Variants in CCDC88C observed in about 807,000 individuals in gnomAD.
CCDC88C encodes protein Daple.
Under a neutral mutation model 198.8 loss-of-function variants are expected in CCDC88C, and 131 were observed. The observed-to-expected ratio is 0.66, with a 90% CI of 0.57 to 0.76. The LOEUF (loss-of-function observed/expected upper bound fraction) is 0.76, where lower values mean the gene tolerates loss of function less well. CCDC88C is among the 30% of genes least tolerant of loss of function. The pLI is 0.00. For synonymous variants in CCDC88C, 1,166 were observed against 1,114.7 expected, an observed-to-expected ratio of 1.05 and a Z score of -0.92; for missense variants, 2,553 against 2,631.6, an observed-to-expected ratio of 0.97 and a Z score of 0.65.
In CCDC88C at chr14:91,299,943, G is replaced by C. The variant is rs1226329586; in HGVS notation, c.3763C>G (p.Arg1255Gly). 5 of 1,588,422 alleles carry C rather than the reference G, an allele frequency of 3.1e-6. No individual in the cohort carries two copies. In the East Asian group the frequency reaches 1.1e-4, roughly 36 times the overall value. ...GGCGCTCACCTGTCCAGCTCGCCCC[G>C]CAGCCTCTGGTTCTCGCCCATGGCG... ...ALAMGENQRL[R>G]GELDRVNFLH... Residue 1255 changes from arginine to glycine, a missense_variant, in exon 21 of 30, where the codon CGG (arginine) becomes GGG (glycine). By Grantham distance (125) the Arg-to-Gly change is moderately radical. Around this residue, in one of 2 missense-constraint regions of CCDC88C, gnomAD observed 1,293 missense variants for 1,219.6 expected, o/e 1.06. Transcript: ENST00000389857.
Position 91,325,881 on chromosome 14 carries a change from C to G in CCDC88C, c.1197+29G>C. ...ACTGTGCCCGAGCCCAATCTGTTTTCAATGTAGTAACAACACAGCCTGCAG... is the reference window on the plus strand; with the variant it reads ...ACTGTGCCCGAGCCCAATCTGTTTTGAATGTAGTAACAACACAGCCTGCAG... On this transcript the variant is annotated intron_variant, in intron 11 of 29. Transcript: ENST00000389857. This position sits in a 1 kb window ranked among gnomAD's most constrained non-coding sequence, Gnocchi z 4.1. 1 of 1,539,604 alleles carries G rather than the reference C, an allele frequency of 6.5e-7. No homozygotes were observed. The highest frequency in any genetic ancestry group is 8.8e-7 in the Non-Finnish European group (1 of 1,138,832).
At position 91,277,865 on chromosome 14, in the gene CCDC88C, C is replaced by T. The variant is rs955031431; in HGVS notation, c.5058+57G>A. On this transcript the variant is annotated intron_variant, in intron 29 of 29. Transcript: ENST00000389857. ...TCCTTTCTGCAGCTATGATCTTGAG[C>T]CAGGAAGAGACAGAGAGGGAAGAGA... The T allele has an allele frequency of 2.1e-6, 3 of 1,444,364 alleles. No homozygotes were observed. The African/African-American group carries it at 4.3e-5, about 21-fold the overall frequency. The allele number at this position is 1,444,364 out of a possible 1,614,324, so 89.5% of individuals were successfully genotyped here.
rs545368667 is a variant in CCDC88C at position 91,405,253 on chromosome 14, G to A, written c.270+3406C>T. On this transcript the variant is annotated intron_variant, in intron 3 of 29. Transcript: ENST00000389857. ...CAGACTGTCACTGCTCCAGTGTGCC[G>A]CAGAGAAGAAGGGGACAGTTAGGGG... is the stretch of plus-strand genomic sequence containing the variant. Among the ~76,000 whole-genome samples, 38 of 152,286 alleles carry A rather than the reference G, an allele frequency of 2.5e-4. No homozygotes were observed. In the South Asian group the frequency reaches 6.2e-3, roughly 25 times the overall value.
rs773341511 is a variant in CCDC88C, at chr14:91,338,146, T to C, written c.909A>G (p.Ala303=). Residue 303 remains alanine, a synonymous_variant, in exon 10 of 30, where the codon GCA becomes GCG. Transcript: ENST00000389857. This position sits in a 1 kb window ranked among gnomAD's most constrained non-coding sequence, Gnocchi z 4.8. ...GATAGGCACGAGCAGACCGGGCGTC[T>C]GCCGCTAGCTGGATGTTCTGCAAGG... ...KVKQENIQLA[A]DARSARAYRD... The C allele has an allele frequency of 6.2e-6, 10 of 1,613,640 alleles. No individual in the cohort carries two copies. The South Asian group carries it at 1.1e-4, about 18-fold the overall frequency.
At chr14:91,311,165 T>C (rs1404627889) in intron 15 of CCDC88C, among the ~76,000 whole-genome samples, 1 of 152,202 alleles carries the variant, frequency 6.6e-6, no homozygotes, top group Non-Finnish European at 1.5e-5. Context: ...AAGGGTCCCC[T>C]GGACTCTGGT....
chr14:91,390,711 G>A (rs1477588414), intron 3 of CCDC88C, among the ~76,000 whole-genome samples: 1 of 152,126 alleles, frequency 6.6e-6, no homozygotes, highest in Non-Finnish European at 1.5e-5. Flanking sequence ...TCCTATTACA[G>A]GATTCCCAGA....
chr14:91,337,486 C>T (rs1254660448), intron 10 of CCDC88C, among the ~76,000 whole-genome samples: 1 of 152,216 alleles, frequency 6.6e-6, no homozygotes, highest in Non-Finnish European at 1.5e-5. Flanking sequence ...ACTGCAGGCA[C>T]GTGGCACTAT....
intron 3 of CCDC88C, among the ~76,000 whole-genome samples, chr14:91,403,132 C>T (rs549765107): frequency 6.6e-6 from 1 of 152,192 alleles, no homozygotes; most frequent in African/African-American, 2.4e-5. Flanking sequence ...CCCAGAGAGA[C>T]GGCGGGACCC....
chr14:91,415,523 G>C (rs1886998140), intron 2 of CCDC88C, among the ~76,000 whole-genome samples: 1 of 152,136 alleles, frequency 6.6e-6, no homozygotes, highest in Non-Finnish European at 1.5e-5. Context: ...TCGGGAGTTC[G>C]AGACCAGCCT....
chr14:91,360,881 G>C (rs1372800168), intron 3 of CCDC88C, among the ~76,000 whole-genome samples: 1 of 152,146 alleles, frequency 6.6e-6, no homozygotes, highest in Non-Finnish European at 1.5e-5. Context: ...GTGGGGCACG[G>C]TGGACACGCT....
chr14:91,352,159 C>T lies in CCDC88C; in HGVS notation c.340+7483G>A, dbSNP rs770508453. Among the ~76,000 whole-genome samples, 12 of 152,256 alleles carry T rather than the reference C, an allele frequency of 7.9e-5. No homozygotes were observed. The highest frequency in any genetic ancestry group is 1.3e-4 in the Non-Finnish European group (9 of 68,042). ...TAGCATCTCTTCCCTCCTCCGCAGACGGCGGTGGCCACAGAGAGTAGGGCT... is the reference window on the plus strand; with the variant it reads ...TAGCATCTCTTCCCTCCTCCGCAGATGGCGGTGGCCACAGAGAGTAGGGCT... On this transcript the variant is annotated intron_variant, in intron 4 of 29. Transcript: ENST00000389857. This position sits in a 1 kb window ranked among gnomAD's most constrained non-coding sequence, Gnocchi z 4.2.
intron 3 of CCDC88C, among the ~76,000 whole-genome samples, chr14:91,387,463 C>CA (rs1478648820): frequency 4.6e-5 from 7 of 152,312 alleles, no homozygotes; most frequent in Admixed American, 3.3e-4. Flanking sequence ...ACGATATAGA[C>CA]AAAACTGCTC....
At chr14:91,353,276 C>T (rs1256393741) in intron 4 of CCDC88C, among the ~76,000 whole-genome samples, 3 of 152,184 alleles carry the variant, frequency 2.0e-5, no homozygotes, top group Non-Finnish European at 2.9e-5. Flanking sequence ...CTTTCTCTGT[C>T]CGTGGCTTGC....
At chr14:91,315,001 A>C (rs1892029226) in intron 14 of CCDC88C, among the ~76,000 whole-genome samples, 1 of 152,202 alleles carries the variant, frequency 6.6e-6, no homozygotes, top group South Asian at 2.1e-4. Flanking sequence ...AAACAAAAAC[A>C]AAAAACTAAA....
chr14:91,412,353 A>G (rs1425863407), intron 2 of CCDC88C, among the ~76,000 whole-genome samples: 1 of 152,194 alleles, frequency 6.6e-6, no homozygotes, highest in Non-Finnish European at 1.5e-5. Flanking sequence ...TGCTACCTCC[A>G]CATGGTAAAA....
At chr14:91,334,226 G>A (rs537458451) in intron 10 of CCDC88C, among the ~76,000 whole-genome samples, 27 of 152,224 alleles carry the variant, frequency 1.8e-4, no homozygotes, top group Admixed American at 1.4e-3. Context: ...TACCACCTGC[G>A]GGTCAACCTC....
chr14:91,329,332 T>G (rs983119448), intron 10 of CCDC88C, among the ~76,000 whole-genome samples: 1 of 152,226 alleles, frequency 6.6e-6, no homozygotes, highest in African/African-American at 2.4e-5. Context: ...AACAGAAGAC[T>G]TCCCTGTGTT....
At chr14:91,310,318 A>C (rs1891763135) in intron 15 of CCDC88C, among the ~76,000 whole-genome samples, 1 of 152,154 alleles carries the variant, frequency 6.6e-6, no homozygotes, top group Non-Finnish European at 1.5e-5. Flanking sequence ...CTGACTTTTC[A>C]ACAAAGCAAC....
In CCDC88C at chr14:91,315,749, C is replaced by A. The variant is rs762604231; in HGVS notation, c.1566G>T (p.Gln522His). 4.3e-6 allele frequency: 7 copies of A among 1,613,522 alleles called. No homozygotes were observed. Reference sequence around the variant, plus strand: ...TGAGGGTCTCCAGATCTTGGTTGCTCTGCTTTTCTCTCTCCAGCTGGGTTT... The same window carrying A: ...TGAGGGTCTCCAGATCTTGGTTGCTATGCTTTTCTCTCTCCAGCTGGGTTT... Reference protein sequence around the residue: ...KLQTQLEREKQSNQDLETLSE... With the variant: ...KLQTQLEREKHSNQDLETLSE... Residue 522 changes from glutamine to histidine, a missense_variant, in exon 14 of 30, where the codon CAG becomes CAT. Around this residue, in one of 2 missense-constraint regions of CCDC88C, gnomAD observed 1,260 missense variants for 1,412.0 expected, o/e 0.89. Transcript: ENST00000389857.
Sources: gnomAD v4.1 joint callset for allele counts (sites outside exome capture counted in the v4.1 genomes callset) on GRCh38, gnomAD v4.1.1 for gene constraint, gnomAD v4.1.1 regional missense constraint, Gnocchi (gnomAD v3.1) non-coding constraint, MANE v1.5 for transcripts, NCBI Gene and HGNC (gene_info 2026-07-23, HGNC 2026-07-21) for gene names.